DYNC2H1: variants seen among roughly 807,000 people sequenced by gnomAD.
The protein encoded by DYNC2H1 is dynein cytoplasmic 2 heavy chain 1.
DYNC2H1 carries 410 observed loss-of-function variants against 570.0 expected under a neutral mutation model. The observed-to-expected ratio is 0.72, with a 90% CI of 0.66 to 0.78. DYNC2H1 has a LOEUF of 0.78. Ranked by LOEUF, DYNC2H1 falls within the 30% of genes least tolerant of loss-of-function variation. DYNC2H1 has a pLI of 0.00. For synonymous variants in DYNC2H1, 1,688 were observed against 1,677.6 expected, an observed-to-expected ratio of 1.01 and a Z score of -0.15; for missense variants, 4,865 against 5,046.4, an observed-to-expected ratio of 0.96 and a Z score of 1.09.
intron 83 of DYNC2H1, among the ~76,000 whole-genome samples, chr11:103,367,883 G>A (rs1940983322): frequency 6.6e-6 from 1 of 151,966 alleles, no homozygotes. Context: ...TTCTGTGTTT[G>A]GCTTATTTCA....
chr11:103,477,000 C>A (rs1945572896), intron 88 of DYNC2H1, among the ~76,000 whole-genome samples: 1 of 151,940 alleles, frequency 6.6e-6, no homozygotes, highest in African/African-American at 2.4e-5. Flanking sequence ...ATAAATAATA[C>A]TTATATCTGG....
chr11:103,126,022 T>A (rs1045729133), intron 12 of DYNC2H1, among the ~76,000 whole-genome samples: 1 of 152,240 alleles, frequency 6.6e-6, no homozygotes, highest in Non-Finnish European at 1.5e-5. Flanking sequence ...ATCACTGTTA[T>A]AATACTGCTC....
chr11:103,440,415 G>A (rs1279796494), intron 85 of DYNC2H1, among the ~76,000 whole-genome samples: 1 of 152,072 alleles, frequency 6.6e-6, no homozygotes, highest in Non-Finnish European at 1.5e-5. Context: ...GTGACGACTT[G>A]AACTCCACTC....
intron 83 of DYNC2H1, among the ~76,000 whole-genome samples, chr11:103,397,139 G>A (rs994069892): frequency 2.6e-5 from 4 of 152,140 alleles, no homozygotes; most frequent in Non-Finnish European, 5.9e-5. Flanking sequence ...CAGAATGAGA[G>A]AAAGAAAGGC....
chr11:103,276,140 A>G (rs911010081), intron 70 of DYNC2H1, among the ~76,000 whole-genome samples: 1 of 151,968 alleles, frequency 6.6e-6, no homozygotes, highest in Non-Finnish European at 1.5e-5. Context: ...ACATGGTCAC[A>G]TGTTTGTTTT....
intron 15 of DYNC2H1, among the ~76,000 whole-genome samples, chr11:103,135,227 A>G (rs949016192): frequency 2.0e-5 from 3 of 152,124 alleles, no homozygotes; most frequent in Non-Finnish European, 4.4e-5. Context: ...ATAAAGTCCA[A>G]ATATGAAAGT....
intron 83 of DYNC2H1, among the ~76,000 whole-genome samples, chr11:103,387,870 T>A (rs1941957119): frequency 6.6e-6 from 1 of 152,228 alleles, no homozygotes; most frequent in South Asian, 2.1e-4. Flanking sequence ...ATATCTCTGT[T>A]TTGGTATCAG....
rs1565623428 is a variant in DYNC2H1 at position 103,465,071 on chromosome 11, T to C, written c.12649-3518T>C. ...AGAAAGTTTTACACTTAATTACGCA[T>C]TTAAAAGTAGATGGTAAAACACTAA... On this transcript the variant is annotated intron_variant, in intron 87 of 88. Coordinates refer to ENST00000375735, the MANE Select transcript of DYNC2H1 (RefSeq NM_001377.3). The surrounding 1 kb of genome is among the most constrained non-coding windows in gnomAD (Gnocchi z 4.9). 6.6e-6 allele frequency among the ~76,000 whole-genome samples: 1 copy of C among 151,992 alleles called. No individual in the cohort carries two copies. The highest frequency in any genetic ancestry group is 1.5e-5 in the Non-Finnish European group (1 of 67,998).
At chr11:103,198,468 A>G (rs1862588379) in intron 48 of DYNC2H1, among the ~76,000 whole-genome samples, 1 of 152,162 alleles carries the variant, frequency 6.6e-6, no homozygotes, top group Non-Finnish European at 1.5e-5. Flanking sequence ...AGGCTCCCAG[A>G]TGATGTTGAT....
At chr11:103,393,019 G>A (rs1942237628) in intron 83 of DYNC2H1, among the ~76,000 whole-genome samples, 1 of 152,134 alleles carries the variant, frequency 6.6e-6, no homozygotes, top group Non-Finnish European at 1.5e-5. Flanking sequence ...AAGTAGCTGG[G>A]ATTACAGGTG....
intron 83 of DYNC2H1, among the ~76,000 whole-genome samples, chr11:103,396,925 G>C (rs1237758666): frequency 1.3e-5 from 2 of 152,050 alleles, no homozygotes; most frequent in African/African-American, 4.8e-5. Flanking sequence ...CTAAACAATG[G>C]GTACACATGG....
At position 103,289,081 on chromosome 11, in the gene DYNC2H1, C is replaced by A. The variant is rs988465777; in HGVS notation, c.11095+1476C>A. ...GTCCGGTAATCTGGCTCAACCAATT[C>A]TGTGATCCCACCCAGGAATAGAAGA... On this transcript the variant is annotated intron_variant, in intron 75 of 88. Transcript: ENST00000375735. The surrounding 1 kb of genome is among the most constrained non-coding windows in gnomAD (Gnocchi z 4.2). 6.6e-6 allele frequency among the ~76,000 whole-genome samples: 1 copy of A among 152,046 alleles called. No homozygotes were observed. Among genetic ancestry groups the A allele is most frequent in the African/African-American group, 2.4e-5 (1 of 41,386 alleles).
intron 82 of DYNC2H1, among the ~76,000 whole-genome samples, chr11:103,330,612 C>T (rs994748790): frequency 4.1e-5 from 6 of 147,068 alleles, no homozygotes; most frequent in African/African-American, 4.9e-5. Flanking sequence ...CCAGATAGGA[C>T]AATATCTTCT....
chr11:103,240,440 A>T (rs887021159), intron 63 of DYNC2H1, among the ~76,000 whole-genome samples: 2 of 152,012 alleles, frequency 1.3e-5, no homozygotes, highest in African/African-American at 4.8e-5. Flanking sequence ...CTAGTATAGA[A>T]CTCATTTTTC....
At position 103,159,045 on chromosome 11, in the gene DYNC2H1, T is replaced by C. The variant is rs758364558; in HGVS notation, c.4378+18T>C. On this transcript the variant is annotated intron_variant, in intron 28 of 88. Coordinates refer to ENST00000375735, the MANE Select transcript of DYNC2H1 (RefSeq NM_001377.3). ...TTTTGCTGGTAGGATTCAACATTTA[T>C]TTAACAGATATTTATTGAGTTTCAA... The C allele has an allele frequency of 6.3e-7, 1 of 1,580,360 alleles. No individual in the cohort carries two copies. The highest frequency in any genetic ancestry group is 8.7e-7 in the Non-Finnish European group (1 of 1,152,944).
chr11:103,334,162 G>A lies in DYNC2H1; in HGVS notation c.12039+10172G>A, dbSNP rs958246378. ...CTAATTTAATGATTTGAATGAAATCGAGATACAATAAAATCTTAATTTAAA... is the reference window on the plus strand; with the variant it reads ...CTAATTTAATGATTTGAATGAAATCAAGATACAATAAAATCTTAATTTAAA... On this transcript the variant is annotated intron_variant, in intron 82 of 88. Coordinates refer to ENST00000375735, the MANE Select transcript of DYNC2H1 (RefSeq NM_001377.3). This position sits in a 1 kb window ranked among gnomAD's most constrained non-coding sequence, Gnocchi z 4.3. Among the ~76,000 whole-genome samples, 3 of 152,098 alleles carry A rather than the reference G, an allele frequency of 2.0e-5. No individual in the cohort carries two copies. The highest frequency in any genetic ancestry group is 4.4e-5 in the Non-Finnish European group (3 of 67,996).
intron 31 of DYNC2H1, among the ~76,000 whole-genome samples, chr11:103,166,573 T>C (rs1158753931): frequency 6.6e-6 from 1 of 152,182 alleles, no homozygotes; most frequent in East Asian, 1.9e-4. Context: ...ATTTTACCTT[T>C]ATTTCTGAAG....
rs1281898871 is a variant in DYNC2H1, at chr11:103,249,467, G to C, written c.10043-3818G>C. On this transcript the variant is annotated intron_variant, in intron 65 of 88. Coordinates refer to ENST00000375735, the MANE Select transcript of DYNC2H1 (RefSeq NM_001377.3). This position sits in a 1 kb window ranked among gnomAD's most constrained non-coding sequence, Gnocchi z 4.6. ...TATAAACACCCAGATCAAGACATAA[G>C]AGCTTTATTAGCACTCCAGAAGCCC... is the stretch of plus-strand genomic sequence containing the variant. Among the ~76,000 whole-genome samples, 1 of 151,856 alleles carries C rather than the reference G, an allele frequency of 6.6e-6. No individual in the cohort carries two copies. The highest frequency in any genetic ancestry group is 6.6e-5 in the Admixed American group (1 of 15,226).
intron 87 of DYNC2H1, among the ~76,000 whole-genome samples, chr11:103,459,425 G>A (rs934213510): frequency 7.1e-6 from 1 of 139,974 alleles, no homozygotes; most frequent in African/African-American, 2.7e-5. Context: ...ATTTATATTT[G>A]TTGTCTTATT....
Sources: gnomAD v4.1 joint callset for allele counts (sites outside exome capture counted in the v4.1 genomes callset) on GRCh38, gnomAD v4.1.1 for gene constraint, Gnocchi (gnomAD v3.1) non-coding constraint, MANE v1.5 for transcripts, NCBI Gene and HGNC (gene_info 2026-07-23, HGNC 2026-07-21) for gene names.